IFFO1: variants seen among roughly 807,000 people sequenced by gnomAD.
IFFO1 encodes the protein non-homologous end joining factor IFFO1.
IFFO1 carries 42 observed loss-of-function variants against 59.6 expected under a neutral mutation model. That is an observed-to-expected ratio of 0.70 (90% confidence interval 0.55 to 0.91). The LOEUF is 0.91. Ranked by LOEUF, IFFO1 falls within the 40% of genes least tolerant of loss-of-function variation. The pLI, the probability that IFFO1 is intolerant of heterozygous loss-of-function variation, is 0.00. For synonymous variants in IFFO1, 336 were observed against 342.8 expected, an observed-to-expected ratio of 0.98 and a Z score of 0.22; for missense variants, 711 against 793.2, an observed-to-expected ratio of 0.90 and a Z score of 1.24.
Position 6,548,479 on chromosome 12 carries a change from C to T in IFFO1, c.1329G>A (p.Leu443=), listed in dbSNP as rs146716090. 37 of 1,613,886 alleles carry T rather than the reference C, an allele frequency of 2.3e-5. No homozygotes were observed. The African/African-American group carries it at 4.8e-4, about 21-fold the overall frequency. ...LTWEETEETL[L]LWEDFSGYAM... Reference sequence around the variant, plus strand: ...CATAGCCTGAGAAATCCTCCCAAAGCAGCAGGGTCTCCTCAGTCTCCTCCC... The same window carrying T: ...CATAGCCTGAGAAATCCTCCCAAAGTAGCAGGGTCTCCTCAGTCTCCTCCC... Residue 443 remains leucine (L), a synonymous_variant, in exon 7 of 10, where the codon CTG becomes CTA. Transcript: ENST00000619571. This position sits in a 1 kb window ranked among gnomAD's most constrained non-coding sequence, Gnocchi z 6.1.
chr12:6,555,362 T>G lies in IFFO1; in HGVS notation c.668A>C (p.His223Pro). The G allele has an allele frequency of 1.2e-6, 2 of 1,614,108 alleles. No homozygotes were observed. The highest frequency in any genetic ancestry group is 1.7e-6 in the Non-Finnish European group (2 of 1,180,008). ...LVQGPGLSWV[H>P]PDGVGVQIDT... is the part of the protein sequence containing the mutation. Reference sequence around the variant, plus strand: ...GATCTGGACGCCCACCCCATCCGGGTGCACCCACGACAAGCCAGGCCCTTG... The same window carrying G: ...GATCTGGACGCCCACCCCATCCGGGGGCACCCACGACAAGCCAGGCCCTTG... The change falls in exon 1 of 10, where the codon CAC becomes CCC. Residue 223 changes from histidine to proline, a missense_variant. By Grantham distance (77) the His-to-Pro change is moderately conservative. This residue lies in a region of IFFO1 where 579 missense variants were observed against 650.3 expected (regional missense o/e 0.89). Coordinates refer to ENST00000619571, the MANE Select transcript of IFFO1 (RefSeq NM_001193457.2). This position sits in a 1 kb window ranked among gnomAD's most constrained non-coding sequence, Gnocchi z 8.6.
chr12:6,551,650 G>C, intron 1 of IFFO1: 1 of 431,028 alleles, frequency 2.3e-6, no homozygotes, highest in South Asian at 1.7e-5. Flanking sequence ...TCAGAGGCCG[G>C]AAGTCCCACA....
intron 1 of IFFO1, among the ~76,000 whole-genome samples, chr12:6,552,702 G>A (rs1947282243): frequency 1.3e-5 from 2 of 152,148 alleles, no homozygotes; most frequent in South Asian, 4.1e-4. Context: ...GAGCCTGGAA[G>A]AAACTTAAGT....
chr12:6,543,748 C>G (rs1319249337), intron 8 of IFFO1: 1 of 152,178 alleles, frequency 6.6e-6, no homozygotes, highest in Non-Finnish European at 1.5e-5. Context: ...GGTGGATCAC[C>G]TGAGGTCGGG....
intron 1 of IFFO1, among the ~76,000 whole-genome samples, chr12:6,552,274 TAAC>T (rs1329279647): frequency 1.3e-5 from 2 of 152,100 alleles, no homozygotes; most frequent in African/African-American, 4.8e-5. Context: ...TTCCTAATAA[TAAC>T]TCCTCCACAT....
In IFFO1 at chr12:6,539,670, C is replaced by CTGT. The variant is rs1946603473; in HGVS notation, c.*810_*812dup. On this transcript the variant is annotated 3_prime_UTR_variant, in exon 10 of 10. Coordinates refer to ENST00000619571, the MANE Select transcript of IFFO1 (RefSeq NM_001193457.2). ...TTCCAAGAATCAGGGACACTGTAGC[C>CTGT]TGTTGGTCTCAGTGTATGACAGACA... 6.6e-6 allele frequency: 1 copy of CTGT among 152,274 alleles called. No homozygotes were observed. Among genetic ancestry groups the CTGT allele is most frequent in the Admixed American group, 6.6e-5 (1 of 15,264 alleles). 9.4% of individuals were successfully genotyped at this position (152,274 alleles called of 1,614,324 possible).
rs1271801899 is a variant in IFFO1, at chr12:6,540,140, G to T, written c.*343C>A. On this transcript the variant is annotated 3_prime_UTR_variant, in exon 10 of 10. Transcript: ENST00000619571. ...CTCCGGACAACAGGGATGGAGGAAA[G>T]GTCCCACATTCACATTCCTGATACG... is the stretch of plus-strand genomic sequence containing the variant. 3 of 391,864 alleles carry T rather than the reference G, an allele frequency of 7.7e-6. No individual in the cohort carries two copies. The East Asian group carries it at 1.8e-4, about 23-fold the overall frequency. 24.3% of individuals were successfully genotyped at this position (391,864 alleles called of 1,614,324 possible).
At position 6,549,278 on chromosome 12, in the gene IFFO1, G is replaced by A. The variant is rs535247529; in HGVS notation, c.1080+198C>T. Reference sequence around the variant, plus strand: ...GAATCACATCCAGATCTGGAAAGCCGGGGGAGAAGGGAGAGAAAGAAATGC... The same window carrying A: ...GAATCACATCCAGATCTGGAAAGCCAGGGGAGAAGGGAGAGAAAGAAATGC... On this transcript the variant is annotated intron_variant, in intron 5 of 9. Coordinates refer to ENST00000619571, the MANE Select transcript of IFFO1 (RefSeq NM_001193457.2). This position sits in a 1 kb window ranked among gnomAD's most constrained non-coding sequence, Gnocchi z 5.0. 1.1e-5 allele frequency: 7 copies of A among 647,660 alleles called. No homozygotes were observed. Among genetic ancestry groups the A allele is most frequent in the African/African-American group, 7.2e-5 (4 of 55,342 alleles). 40.1% of individuals were successfully genotyped at this position (647,660 alleles called of 1,614,324 possible).
intron 8 of IFFO1, among the ~76,000 whole-genome samples, chr12:6,547,174 C>T (rs953542325): frequency 6.6e-6 from 1 of 152,092 alleles, no homozygotes; most frequent in Non-Finnish European, 1.5e-5. Flanking sequence ...CTTTGTGGGG[C>T]CGAGTTAGGA....
In IFFO1 at chr12:6,548,147, C is replaced by G; in HGVS notation, c.1397G>C (p.Ser466Thr). 1 of 1,613,872 alleles carries G rather than the reference C, an allele frequency of 6.2e-7. No homozygotes were observed. Residue 466 changes from serine (S) to threonine (T), a missense_variant, in exon 8 of 10, where the codon AGC (serine) becomes ACC (threonine). Physicochemically the swap from Ser to Thr is moderately conservative, Grantham distance 58 (BLOSUM62 1). This residue lies in a region of IFFO1 where 579 missense variants were observed against 650.3 expected (regional missense o/e 0.89). Transcript: ENST00000619571. The surrounding 1 kb of genome is among the most constrained non-coding windows in gnomAD (Gnocchi z 6.1). The stretch of plus-strand genomic sequence containing the variant: ...CGTATCTTTAATCACCTTCTCCAGG[C>G]TATCTTCCTGCTGCTGGAGTAGAAA... ...AEAQGEQQED[S>T]LEKVIKDTES...
chr12:6,551,976 C>T (rs146960964), intron 1 of IFFO1: 159 of 165,750 alleles, frequency 9.6e-4, no homozygotes, highest in African/African-American at 3.4e-3. Flanking sequence ...AGGACCCGCC[C>T]GGCATTCCAG....
rs1023813583 is a variant in IFFO1 at position 6,548,923 on chromosome 12, G to A, written c.1081-74C>T. The stretch of plus-strand genomic sequence containing the variant: ...GCCGGGCAGAGAGGGTGGGAATGGG[G>A]GAGAAGCATGAACCAGTAGGAAGGG... On this transcript the variant is annotated intron_variant, in intron 5 of 9. Transcript: ENST00000619571. The surrounding 1 kb of genome is among the most constrained non-coding windows in gnomAD (Gnocchi z 6.1). 11 of 1,299,618 alleles carry A rather than the reference G, an allele frequency of 8.5e-6. No homozygotes were observed. Among genetic ancestry groups the A allele is most frequent in the African/African-American group, 4.4e-5 (3 of 68,080 alleles). 80.5% of individuals were successfully genotyped at this position (1,299,618 alleles called of 1,614,324 possible).
At position 6,549,603 on chromosome 12, in the gene IFFO1, T is replaced by G. The variant is rs1947143423; in HGVS notation, c.1072-119A>C. 1 of 1,337,730 alleles carries G rather than the reference T, an allele frequency of 7.5e-7. No homozygotes were observed. Among genetic ancestry groups the G allele is most frequent in the Non-Finnish European group, 1.1e-6 (1 of 940,476 alleles). The allele number at this position is 1,337,730 out of a possible 1,614,324, so 82.9% of individuals were successfully genotyped here. On this transcript the variant is annotated intron_variant, in intron 4 of 9. Coordinates refer to ENST00000619571, the MANE Select transcript of IFFO1 (RefSeq NM_001193457.2). The surrounding 1 kb of genome is among the most constrained non-coding windows in gnomAD (Gnocchi z 5.0). ...GCTTCCACGATGCCCCTCCTGATGC[T>G]GCTCCTTACCCCCCAGTCTAGCCCC... is the stretch of plus-strand genomic sequence containing the variant.
chr12:6,548,145 G>A lies in IFFO1; in HGVS notation c.1399C>T (p.Leu467=). The A allele has an allele frequency of 6.2e-7, 1 of 1,613,946 alleles. No individual in the cohort carries two copies. Among genetic ancestry groups the A allele is most frequent in the Non-Finnish European group, 8.5e-7 (1 of 1,179,894 alleles). Residue 467 remains leucine, a synonymous_variant, in exon 8 of 10, where the codon CTG becomes TTG. Coordinates refer to ENST00000619571, the MANE Select transcript of IFFO1 (RefSeq NM_001193457.2). The surrounding 1 kb of genome is among the most constrained non-coding windows in gnomAD (Gnocchi z 6.1). ...EAQGEQQEDS[L]EKVIKDTESL... is the part of the protein sequence containing the mutation. ...TCCGTATCTTTAATCACCTTCTCCA[G>A]GCTATCTTCCTGCTGCTGGAGTAGA...
At chr12:6,547,428 G>C (rs1947014677) in intron 8 of IFFO1, among the ~76,000 whole-genome samples, 1 of 151,868 alleles carries the variant, frequency 6.6e-6, no homozygotes, top group Non-Finnish European at 1.5e-5. Context: ...AAAAGAAACA[G>C]GTGTAGGGCT....
chr12:6,550,179 G>A (rs903631542), intron 3 of IFFO1: 5 of 413,602 alleles, frequency 1.2e-5, no homozygotes, highest in South Asian at 4.8e-5. Flanking sequence ...TCACTGGAAC[G>A]ACTAGCGGTC....
intron 1 of IFFO1, among the ~76,000 whole-genome samples, chr12:6,552,419 G>T (rs561022139): frequency 6.6e-6 from 1 of 152,276 alleles, no homozygotes; most frequent in African/African-American, 2.4e-5. Context: ...GTGTCCCGTA[G>T]GTGCTTCTCC....
chr12:6,546,366 A>G (rs1174229597), intron 8 of IFFO1, among the ~76,000 whole-genome samples: 1 of 152,228 alleles, frequency 6.6e-6, no homozygotes, highest in African/African-American at 2.4e-5. Context: ...TGCCTCTCCC[A>G]AAGTCAGAGC....
chr12:6,549,379 T>C lies in IFFO1; in HGVS notation c.1080+97A>G. On this transcript the variant is annotated intron_variant, in intron 5 of 9. Transcript: ENST00000619571. The surrounding 1 kb of genome is among the most constrained non-coding windows in gnomAD (Gnocchi z 5.0). ...GGAAAGGGCAGAAAAAAATCCGTGC[T>C]CAAGAGCCCAGCGGGCCCAAACTGA... 1 of 1,261,778 alleles carries C rather than the reference T, an allele frequency of 7.9e-7. No homozygotes were observed. 78.2% of individuals were successfully genotyped at this position (1,261,778 alleles called of 1,614,324 possible). A position where few individuals can be genotyped will look rare whatever the true frequency, so the allele number is the denominator to read the frequency against.
Sources: allele counts gnomAD v4.1 joint callset (sites outside exome capture counted in the v4.1 genomes callset), GRCh38; gene constraint gnomAD v4.1.1; regional missense constraint gnomAD v4.1.1; non-coding constraint Gnocchi (gnomAD v3.1); transcripts MANE v1.5; gene names NCBI Gene and HGNC (gene_info 2026-07-23, HGNC 2026-07-21).